The following HSP90AA1 variants were observed in gnomAD, a reference collection of about 807,000 sequenced individuals.
The protein encoded by HSP90AA1 is heat shock protein 90 alpha family class A member 1.
Under a neutral mutation model 73.3 loss-of-function variants are expected in HSP90AA1, and 18 were observed. The observed-to-expected ratio is 0.25, with a 90% confidence interval of 0.17 to 0.36. HSP90AA1 has a LOEUF of 0.36. HSP90AA1 is among the 10% of genes least tolerant of loss of function. The pLI, the probability that HSP90AA1 is intolerant of heterozygous loss-of-function variation, is 1.00. For missense variants in HSP90AA1, 704 were observed against 874.2 expected, an observed-to-expected ratio of 0.81 and a Z score of 2.45; for synonymous variants, 477 against 296.9, an observed-to-expected ratio of 1.61 and a Z score of -6.24.
In HSP90AA1 at chr14:102,133,202, C is replaced by T. The variant is rs184669191; in HGVS notation, c.155+6048G>A. On this transcript the variant is annotated intron_variant, in intron 1 of 11. Transcript: ENST00000334701. ...GGCTGAGGCAGGAGAATCGCTTGAA[C>T]CCAGGAGGTGGAGGTTGCAGTGAGC... 4.5e-3 allele frequency among the ~76,000 whole-genome samples: 691 copies of T among 151,936 alleles called. 6 individuals are homozygous for T. The highest frequency in any genetic ancestry group is 0.015 in the African/African-American group (640 of 41,460).
upstream of HSP90AA1, among the ~76,000 whole-genome samples, chr14:102,091,639 C>A (rs912411472): frequency 4.7e-4 from 71 of 151,132 alleles, 2 homozygotes; most frequent in Non-Finnish European, 8.9e-5. Context: ...AACAAACAAA[C>A]AAAAAAAGAG....
rs368025437 is a variant in HSP90AA1 at position 102,083,030 on chromosome 14, A to G, written c.1755+4T>C. 31 of 1,613,494 alleles carry G rather than the reference A, an allele frequency of 1.9e-5. No individual in the cohort carries two copies. Among genetic ancestry groups the G allele is most frequent in the African/African-American group, 5.3e-5 (4 of 74,926 alleles). The stretch of plus-strand genomic sequence containing the variant: ...AATGATCAGGAAATGCTGTATTCAC[A>G]TACCTTTTCAACTTTTTTCTCCAAT... On this transcript the variant is annotated splice_donor_region_variant and intron_variant, in intron 9 of 10. Coordinates refer to ENST00000216281, the MANE Select transcript of HSP90AA1 (RefSeq NM_005348.4).
intron 1 of HSP90AA1, among the ~76,000 whole-genome samples, chr14:102,108,671 G>A (rs923991123): frequency 6.6e-6 from 1 of 151,574 alleles, no homozygotes; most frequent in Non-Finnish European, 1.5e-5. Flanking sequence ...GAGTTGCTGG[G>A]ATTACAGGTG....
In HSP90AA1 at chr14:102,087,011, A is replaced by T. The variant is rs1595660699; in HGVS notation, c.-26T>A. 5 of 984,944 alleles carry T rather than the reference A, an allele frequency of 5.1e-6. No individual in the cohort carries two copies. The South Asian group carries it at 1.4e-4, about 28-fold the overall frequency. The allele number at this position is 984,944 out of a possible 1,614,324, so 61.0% of individuals were successfully genotyped here. On this transcript the variant is annotated 5_prime_UTR_variant, in exon 1 of 11. Transcript: ENST00000216281. Reference sequence around the variant, plus strand: ...CTTGGCTAAGTGACCGCACAGGACCAACGGCACAGCCACACCGGGACGCTG... The same window carrying T: ...CTTGGCTAAGTGACCGCACAGGACCTACGGCACAGCCACACCGGGACGCTG...
rs2049101447 is a variant in HSP90AA1, at chr14:102,081,647, C to A, written c.*65G>T. The A allele has an allele frequency of 1.2e-6, 1 of 816,974 alleles. No individual in the cohort carries two copies. The highest frequency in any genetic ancestry group is 1.7e-5 in the Admixed American group (1 of 58,456). The allele number at this position is 816,974 out of a possible 1,614,324, so 50.6% of individuals were successfully genotyped here. Reference sequence around the variant, plus strand: ...ATTAACAAAAATAAAGAAAAACATCCTTGAAAATATATTATCAGAGGAATT... The same window carrying A: ...ATTAACAAAAATAAAGAAAAACATCATTGAAAATATATTATCAGAGGAATT... On this transcript the variant is annotated 3_prime_UTR_variant, in exon 11 of 11. Transcript: ENST00000216281.
intron 9 of HSP90AA1, 25 bp from the exon 10 acceptor site, chr14:102,082,469 G>C (rs746073649): frequency 1.3e-6 from 2 of 1,565,638 alleles, no homozygotes; most frequent in Non-Finnish European, 1.7e-6. Flanking sequence ...TGATGACTAG[G>C]AACCTAGAAA....
At chr14:102,082,716 G>C in intron 9 of HSP90AA1, 2 of 513,168 alleles carry the variant, frequency 3.9e-6, no homozygotes, top group Non-Finnish European at 7.0e-6. Flanking sequence ...CGCCTCCTGG[G>C]TTCAGGCGAT....
intron 1 of HSP90AA1, among the ~76,000 whole-genome samples, chr14:102,108,531 C>CTTTT (rs35612478): frequency 1.5e-4 from 19 of 130,766 alleles, no homozygotes; most frequent in African/African-American, 4.0e-4. Flanking sequence ...TAACTTATAA[C>CTTTT]TTTTTTTTTT....
rs1387763864 is a variant in HSP90AA1, at chr14:102,085,882, A to G, written c.405T>C (p.Gly135=). ...GADISMIGQF[G]VGFYSAYLVA... is the part of the protein sequence containing the mutation. ...CCAAATAAGCAGAATAAAAACCAAC[A>G]CCGAACTGGCCAATCATAGAGATAT... Residue 135 remains glycine (G), a synonymous_variant, in exon 3 of 11, where the codon GGT becomes GGC. Transcript: ENST00000216281. 5.6e-6 allele frequency: 9 copies of G among 1,613,926 alleles called. No homozygotes were observed. The highest frequency in any genetic ancestry group is 1.7e-5 in the Admixed American group (1 of 60,012).
intron 10 of HSP90AA1, 51 bp from the exon 11 acceptor site, chr14:102,081,872 A>G (rs2049107898): frequency 1.1e-6 from 1 of 903,476 alleles, no homozygotes; most frequent in Non-Finnish European, 1.9e-6. Context: ...AAAGCCAGCT[A>G]TTAGGGTAAT....
intron 1 of HSP90AA1, among the ~76,000 whole-genome samples, chr14:102,118,121 A>G (rs74083742): frequency 0.021 from 3,246 of 152,316 alleles, 96 homozygotes; most frequent in African/African-American, 0.062. Context: ...CTGGAGGCAT[A>G]GGATCCAGGC....
exon 2 of HSP90AA1, chr14:102,102,046 CACT>C: frequency 6.2e-7 from 1 of 1,614,098 alleles, no homozygotes; most frequent in Non-Finnish European, 8.5e-7. Context: ...GCCAGAGAAA[CACT>C]TGGGCCTTTT....
At chr14:102,104,963 C>A (rs2049544315) in intron 1 of HSP90AA1, among the ~76,000 whole-genome samples, 1 of 150,152 alleles carries the variant, frequency 6.7e-6, no homozygotes, top group Non-Finnish European at 1.5e-5. Flanking sequence ...CTTTGGGAGG[C>A]CAAGGTGGGC....
chr14:102,100,682 C>T (rs945338985), intron 2 of HSP90AA1, among the ~76,000 whole-genome samples: 1 of 152,216 alleles, frequency 6.6e-6, no homozygotes, highest in Non-Finnish European at 1.5e-5. Flanking sequence ...GCCTGGGCCT[C>T]CCAAACTGCT....
At chr14:102,113,330 C>T (rs2152622310) in intron 1 of HSP90AA1, among the ~76,000 whole-genome samples, 1 of 149,160 alleles carries the variant, frequency 6.7e-6, no homozygotes, top group African/African-American at 2.5e-5. Flanking sequence ...GGCTTGCTTG[C>T]TTGCTTGCTT....
upstream of HSP90AA1, among the ~76,000 whole-genome samples, chr14:102,090,650 A>G (rs1333366563): frequency 6.6e-6 from 1 of 152,146 alleles, no homozygotes; most frequent in East Asian, 1.9e-4. Context: ...AGGGGGTTTC[A>G]CCGTGTTAGC....
chr14:102,096,850 G>A (rs1420852204), intron 2 of HSP90AA1, among the ~76,000 whole-genome samples: 1 of 152,168 alleles, frequency 6.6e-6, no homozygotes, highest in African/African-American at 2.4e-5. Flanking sequence ...GTTATTCCCT[G>A]TGTATGGGAG....
At chr14:102,094,772 A>T (rs190399528) in intron 2 of HSP90AA1, among the ~76,000 whole-genome samples, 1 of 152,100 alleles carries the variant, frequency 6.6e-6, no homozygotes, top group Non-Finnish European at 1.5e-5. Context: ...GGGACTGGAA[A>T]CGTGGCCTGG....
At chr14:102,110,461 C>A (rs2049625348) in intron 1 of HSP90AA1, among the ~76,000 whole-genome samples, 1 of 151,540 alleles carries the variant, frequency 6.6e-6, no homozygotes, top group Non-Finnish European at 1.5e-5. Flanking sequence ...ACTCTGTTGC[C>A]CAGGCTGGAG....
Sources: allele counts gnomAD v4.1 joint callset (sites outside exome capture counted in the v4.1 genomes callset), GRCh38; gene constraint gnomAD v4.1.1; transcripts MANE v1.5; gene names NCBI Gene and HGNC (gene_info 2026-07-23, HGNC 2026-07-21).